Variants in TSPAN15 observed in about 807,000 individuals in gnomAD.
TSPAN15 encodes tetraspanin 15, also known as tetraspanin-15.
TSPAN15 carries 20 observed loss-of-function variants against 34.5 expected under a neutral mutation model. The observed-to-expected ratio is 0.58, with a 90% confidence interval of 0.41 to 0.84. The LOEUF (loss-of-function observed/expected upper bound fraction) is 0.84. TSPAN15 is among the 40% of genes least tolerant of loss of function. The probability of loss-of-function intolerance (pLI) is 0.00; values close to 1 mark genes in which losing one functional copy is unlikely to be tolerated. For synonymous variants in TSPAN15, 155 were observed against 153.9 expected, an observed-to-expected ratio of 1.01 and a Z score of -0.05; for missense variants, 313 against 386.1, an observed-to-expected ratio of 0.81 and a Z score of 1.59.
chr10:69,479,321 A>G (rs796539073), intron 1 of TSPAN15, among the ~76,000 whole-genome samples: 38 of 152,370 alleles, frequency 2.5e-4, no homozygotes, highest in African/African-American at 8.9e-4. Context: ...GCTGCCTGGA[A>G]CTGGGCCTCT....
At chr10:69,535,411 A>G in the TSPAN15 span, among the ~76,000 whole-genome samples, 16 of 152,224 alleles carry the variant, frequency 1.1e-4, no homozygotes, top group African/African-American at 3.9e-4. Context: ...CCATGAGTTA[A>G]TAATAATACT....
chr10:69,465,945 C>T (rs1041659765), intron 1 of TSPAN15, among the ~76,000 whole-genome samples: 8 of 152,216 alleles, frequency 5.3e-5, no homozygotes, highest in Non-Finnish European at 8.8e-5. Context: ...AACACAGGGA[C>T]TGGTATCTCT....
intron 3 of TSPAN15, among the ~76,000 whole-genome samples, chr10:69,490,591 G>A (rs1009704228): frequency 6.6e-5 from 10 of 152,122 alleles, no homozygotes; most frequent in African/African-American, 2.4e-4. Context: ...CGTGGTAGTG[G>A]GCATCTGTAA....
At chr10:69,494,024 G>A (rs1320927124) in intron 3 of TSPAN15, among the ~76,000 whole-genome samples, 1 of 152,168 alleles carries the variant, frequency 6.6e-6, no homozygotes, top group Non-Finnish European at 1.5e-5. Context: ...TTGGGAGATG[G>A]CCCCAAACCT....
intron 6 of TSPAN15, among the ~76,000 whole-genome samples, 155 bp downstream of exon 6, chr10:69,504,640 C>T (rs1489650295): frequency 6.6e-6 from 1 of 152,162 alleles, no homozygotes; most frequent in Non-Finnish European, 1.5e-5. Flanking sequence ...GGTTTTCCAC[C>T]CCAGCACAGA....
intron 1 of TSPAN15, among the ~76,000 whole-genome samples, chr10:69,474,107 C>T (rs111350438): frequency 0.017 from 2,571 of 152,218 alleles, 80 homozygotes; most frequent in African/African-American, 0.059. Context: ...CTGACTGAGC[C>T]TCACATCCTC....
At chr10:69,544,246 T>C in the TSPAN15 span, among the ~76,000 whole-genome samples, 2 of 152,218 alleles carry the variant, frequency 1.3e-5, no homozygotes, top group African/African-American at 4.8e-5. Context: ...ATTTAAAGTG[T>C]ATTATTTAAG....
At position 69,462,629 on chromosome 10, in the gene TSPAN15, C is replaced by T. The variant is rs182776512; in HGVS notation, c.96+10939C>T. Among the ~76,000 whole-genome samples, 337 of 152,364 alleles carry T rather than the reference C, an allele frequency of 2.2e-3. 2 individuals carry two copies. Among genetic ancestry groups the T allele is most frequent in the African/African-American group, 7.8e-3 (323 of 41,582 alleles). ...GGATTACAGGCATGAGCCACCGCGCCTGGCCCTACCTGTGATTTTTAAACT... is the reference window on the plus strand; with the variant it reads ...GGATTACAGGCATGAGCCACCGCGCTTGGCCCTACCTGTGATTTTTAAACT... On this transcript the variant is annotated intron_variant, in intron 1 of 7. Transcript: ENST00000373290.
chr10:69,485,980 T>C (rs923033869), intron 3 of TSPAN15, among the ~76,000 whole-genome samples: 5 of 152,318 alleles, frequency 3.3e-5, no homozygotes, highest in Middle Eastern at 6.8e-3. Context: ...TCCGGGCCCC[T>C]TAGAGCCAGA....
intron 6 of TSPAN15, 127 bp from the exon 7 acceptor site, chr10:69,505,997 A>G (rs1160405365): frequency 1.4e-6 from 1 of 701,026 alleles, no homozygotes; most frequent in Admixed American, 2.5e-5. Context: ...CTCATGCTGC[A>G]TATGGGAAAC....
chr10:69,483,873 A>G lies in TSPAN15; in HGVS notation c.279A>G (p.Gln93=). The change falls in exon 2 of 8, where the codon CAA becomes CAG. Residue 93 remains glutamine (Q), a synonymous_variant. Transcript: ENST00000373290. ...ASLRDNLYLL[Q]AFMYILGICL... The stretch of plus-strand genomic sequence containing the variant: ...TCCGTGACAACCTGTACCTTCTCCA[A>G]GCAGTGAGTGGACCACACCACCCCT... The G allele has an allele frequency of 1.9e-6, 3 of 1,612,732 alleles. No individual in the cohort carries two copies. The highest frequency in any genetic ancestry group is 2.2e-5 in the East Asian group (1 of 44,810).
the TSPAN15 span, among the ~76,000 whole-genome samples, chr10:69,533,161 C>A: frequency 2.0e-5 from 3 of 152,090 alleles, no homozygotes; most frequent in Non-Finnish European, 2.9e-5. Context: ...TTTGATCCAG[C>A]AATCCCACTA....
At chr10:69,525,683 T>A in the TSPAN15 span, among the ~76,000 whole-genome samples, 1 of 146,176 alleles carries the variant, frequency 6.8e-6, no homozygotes, top group Non-Finnish European at 1.5e-5. Flanking sequence ...TAGCCAGGCA[T>A]GGTGGTGTGC....
At chr10:69,541,180 G>T in the TSPAN15 span, among the ~76,000 whole-genome samples, 2 of 152,108 alleles carry the variant, frequency 1.3e-5, no homozygotes, top group Non-Finnish European at 2.9e-5. Flanking sequence ...AGTGATCACT[G>T]GGGGCAGTTC....
the TSPAN15 span, among the ~76,000 whole-genome samples, chr10:69,522,663 C>T: frequency 2.0e-5 from 3 of 147,110 alleles, 1 homozygote; most frequent in Non-Finnish European, 4.5e-5. Flanking sequence ...TATAGGAATG[C>T]AAACCCTATT....
chr10:69,506,262 A>G lies in TSPAN15; in HGVS notation c.735+22A>G. On this transcript the variant is annotated intron_variant, in intron 7 of 7. Transcript: ENST00000373290. The surrounding 1 kb of genome is among the most constrained non-coding windows in gnomAD (Gnocchi z 4.7). ...CCAGGTGGGCAGGCCGTGGGTTCAG[A>G]GAAAGTGTGACTTGGTGATTGCAGA... The G allele has an allele frequency of 6.2e-7, 1 of 1,608,046 alleles. No homozygotes were observed. Among genetic ancestry groups the G allele is most frequent in the Non-Finnish European group, 8.5e-7 (1 of 1,174,592 alleles).
chr10:69,543,441 G>T, the TSPAN15 span, among the ~76,000 whole-genome samples: 4 of 152,100 alleles, frequency 2.6e-5, no homozygotes, highest in African/African-American at 9.7e-5. Context: ...AATCAAATTC[G>T]TCCACTGTCT....
At chr10:69,510,468 A>G (rs566565455), downstream of TSPAN15, among the ~76,000 whole-genome samples, 24 of 152,366 alleles carry the variant, frequency 1.6e-4, no homozygotes, top group Middle Eastern at 0.01. Flanking sequence ...GCTTAAGGAA[A>G]TTTTGGGCTG....
At chr10:69,527,231 G>T in the TSPAN15 span, among the ~76,000 whole-genome samples, 45 of 147,018 alleles carry the variant, frequency 3.1e-4, 1 homozygote, top group African/African-American at 1.1e-3. Context: ...CCTGGGCCAC[G>T]TTGGAAAAAG....
Sources: gnomAD v4.1 joint callset for allele counts (sites outside exome capture counted in the v4.1 genomes callset) on GRCh38, gnomAD v4.1.1 for gene constraint, Gnocchi (gnomAD v3.1) non-coding constraint, MANE v1.5 for transcripts, NCBI Gene and HGNC (gene_info 2026-07-23, HGNC 2026-07-21) for gene names.